Variants in NCK2 observed in about 807,000 individuals in gnomAD.
NCK2 encodes NCK adaptor protein 2.
Under a neutral mutation model 33.9 loss-of-function variants are expected in NCK2, and 16 were observed. The observed-to-expected ratio is 0.47, with a 90% CI of 0.32 to 0.72. The LOEUF is 0.72. Ranked by LOEUF, NCK2 falls within the 30% of genes least tolerant of loss-of-function variation. The probability of loss-of-function intolerance (pLI) is 0.03; values close to 1 mark genes in which losing one functional copy is unlikely to be tolerated. For missense variants in NCK2, 418 were observed against 537.3 expected (o/e 0.78, Z 2.19); for synonymous variants, 273 against 239.9 (o/e 1.14, Z -1.27).
At chr2:105,787,803 G>C (rs1690733018) in intron 1 of NCK2, among the ~76,000 whole-genome samples, 2 of 152,204 alleles carry the variant, frequency 1.3e-5, no homozygotes. Flanking sequence ...GGAATGGGTA[G>C]ATGGGAAAAT....
chr2:105,752,130 T>C (rs1689473010), intron 1 of NCK2, among the ~76,000 whole-genome samples: 1 of 152,232 alleles, frequency 6.6e-6, no homozygotes, highest in African/African-American at 2.4e-5. Context: ...TGATTGGCCT[T>C]GGCCACACGC....
rs189576204 is a variant in NCK2, at chr2:105,832,181, A to T, written c.-17+15568A>T. Reference sequence around the variant, plus strand: ...TTATTTCATTTTCAGCTAGTTTGTTATTGGTATATAGAAGAAACACTACTG... The same window carrying T: ...TTATTTCATTTTCAGCTAGTTTGTTTTTGGTATATAGAAGAAACACTACTG... On this transcript the variant is annotated intron_variant, in intron 2 of 4. Coordinates refer to ENST00000233154, the MANE Select transcript of NCK2 (RefSeq NM_003581.5). 3.9e-5 allele frequency among the ~76,000 whole-genome samples: 6 copies of T among 152,056 alleles called. No homozygotes were observed. In the East Asian group the frequency reaches 9.6e-4, roughly 24 times the overall value.
intron 2 of NCK2, among the ~76,000 whole-genome samples, chr2:105,830,672 T>G (rs769317329): frequency 3.0e-3 from 162 of 53,726 alleles, no homozygotes; most frequent in South Asian, 3.0e-3. Context: ...AGGAATTTGG[T>G]GTGTGTGTGT....
At chr2:105,843,136 A>G (rs1676713759) in intron 2 of NCK2, among the ~76,000 whole-genome samples, 1 of 152,108 alleles carries the variant, frequency 6.6e-6, no homozygotes. Context: ...CTACATATAC[A>G]TAAATGAGAT....
intron 1 of NCK2, among the ~76,000 whole-genome samples, chr2:105,813,951 C>T (rs1171086903): frequency 6.6e-6 from 1 of 152,194 alleles, no homozygotes; most frequent in Non-Finnish European, 1.5e-5. Flanking sequence ...GAGAAAAGCA[C>T]ACACTCCTTC....
chr2:105,801,878 G>GTGA (rs1299614203), intron 1 of NCK2, among the ~76,000 whole-genome samples: 1 of 152,186 alleles, frequency 6.6e-6, no homozygotes, highest in Non-Finnish European at 1.5e-5. Context: ...CTGAGAGAAA[G>GTGA]TGATGGAGCT....
At chr2:105,794,116 T>C (rs1274372136) in intron 1 of NCK2, among the ~76,000 whole-genome samples, 1 of 151,518 alleles carries the variant, frequency 6.6e-6, no homozygotes, top group African/African-American at 2.4e-5. Context: ...TGGCGCCATT[T>C]TGGCTCACTG....
rs188656390 is a variant in NCK2, at chr2:105,771,201, C to G, written c.-201+26063C>G. On this transcript the variant is annotated intron_variant, in intron 1 of 4. Transcript: ENST00000233154. Reference sequence around the variant, plus strand: ...CCTCCCAAAGTGCTGGGATTACAGGCGTGAGCCACCGCGCCCCGCCCAATA... The same window carrying G: ...CCTCCCAAAGTGCTGGGATTACAGGGGTGAGCCACCGCGCCCCGCCCAATA... Among the ~76,000 whole-genome samples, 1,259 of 152,014 alleles carry G rather than the reference C, an allele frequency of 8.3e-3. 5 individuals carry two copies. The highest frequency in any genetic ancestry group is 0.014 in the Non-Finnish European group (960 of 67,936).
intron 1 of NCK2, among the ~76,000 whole-genome samples, chr2:105,775,174 C>T (rs947189652): frequency 1.3e-4 from 20 of 152,258 alleles, no homozygotes; most frequent in Non-Finnish European, 2.6e-4. Flanking sequence ...GTGGTTTTTA[C>T]GTGTTAGTCA....
chr2:105,806,177 G>A (rs1465632722), intron 1 of NCK2, among the ~76,000 whole-genome samples: 2 of 150,774 alleles, frequency 1.3e-5, no homozygotes, highest in African/African-American at 2.4e-5. Context: ...GCTCAGCCTT[G>A]TATATGTATG....
At chr2:105,811,368 A>G (rs1359452315) in intron 1 of NCK2, among the ~76,000 whole-genome samples, 1 of 152,194 alleles carries the variant, frequency 6.6e-6, no homozygotes, top group Non-Finnish European at 1.5e-5. Context: ...ATCCTGACCC[A>G]TGGCCTTGTT....
At chr2:105,824,052 A>G (rs1348796119) in intron 2 of NCK2, among the ~76,000 whole-genome samples, 1 of 152,092 alleles carries the variant, frequency 6.6e-6, no homozygotes, top group Admixed American at 6.5e-5. Flanking sequence ...CCTTACAGGG[A>G]TGTGGCCAGG....
intron 1 of NCK2, among the ~76,000 whole-genome samples, chr2:105,775,873 A>G (rs1251559860): frequency 6.6e-6 from 1 of 152,190 alleles, no homozygotes; most frequent in Non-Finnish European, 1.5e-5. Flanking sequence ...GAAACTTGGA[A>G]TAGCTGGTCA....
intron 2 of NCK2, 165 bp from the exon 3 acceptor site, chr2:105,854,883 C>T (rs1306537259): frequency 2.4e-5 from 14 of 576,192 alleles, no homozygotes; most frequent in Non-Finnish European, 4.4e-5. Context: ...AATACTAAAG[C>T]TTGTTGAAAG....
chr2:105,797,602 G>A (rs957456669), intron 1 of NCK2, among the ~76,000 whole-genome samples: 6 of 152,204 alleles, frequency 3.9e-5, no homozygotes, highest in African/African-American at 1.4e-4. Context: ...TGGTCTGGTT[G>A]GAGTCCCTGT....
chr2:105,844,331 A>G (rs1215585837), intron 2 of NCK2, among the ~76,000 whole-genome samples: 1 of 152,202 alleles, frequency 6.6e-6, no homozygotes, highest in Admixed American at 6.5e-5. Context: ...TGAATAAACC[A>G]TGAACTTTAG....
At chr2:105,849,180 T>C (rs1352337398) in intron 2 of NCK2, among the ~76,000 whole-genome samples, 1 of 152,148 alleles carries the variant, frequency 6.6e-6, no homozygotes, top group African/African-American at 2.4e-5. Flanking sequence ...GCCAGAAGCT[T>C]GAGACCAGCC....
intron 3 of NCK2, among the ~76,000 whole-genome samples, chr2:105,872,111 C>T (rs756157121): frequency 2.0e-5 from 3 of 152,218 alleles, no homozygotes; most frequent in Non-Finnish European, 2.9e-5. Flanking sequence ...GCCAGCAGGA[C>T]ACTTAGAAGA....
intron 1 of NCK2, among the ~76,000 whole-genome samples, chr2:105,803,760 TA>T (rs1281890640): frequency 6.6e-6 from 1 of 152,160 alleles, no homozygotes; most frequent in Non-Finnish European, 1.5e-5. Context: ...TTCTCTAGAG[TA>T]GTGATTCTGA....
Sources: gnomAD v4.1 joint callset for allele counts (sites outside exome capture counted in the v4.1 genomes callset) on GRCh38, gnomAD v4.1.1 for gene constraint, MANE v1.5 for transcripts, NCBI Gene and HGNC (gene_info 2026-07-23, HGNC 2026-07-21) for gene names.